Variants in BRME1 observed in about 807,000 individuals in gnomAD.
The protein encoded by BRME1 is break repair meiotic recombinase recruitment factor 1.
A neutral mutation model predicts 52.6 loss-of-function variants in BRME1; 31 were observed. The ratio of observed to expected loss-of-function variants is 0.59; its 90% CI spans 0.44 to 0.80. BRME1 has a LOEUF of 0.80. Ranked by LOEUF, BRME1 falls within the 30% of genes least tolerant of loss-of-function variation. The pLI is 0.00. For synonymous variants in BRME1, 359 were observed against 353.6 expected (o/e 1.02, Z -0.17); for missense variants, 804 against 860.3 (o/e 0.93, Z 0.82).
Position 13,892,855 on chromosome 19 carries a change from T to C in BRME1, c.324A>G (p.Lys108=), listed in dbSNP as rs1969604616. 1 of 1,614,154 alleles carries C rather than the reference T, an allele frequency of 6.2e-7. No individual in the cohort carries two copies. Among genetic ancestry groups the C allele is most frequent in the Non-Finnish European group, 8.5e-7 (1 of 1,179,978 alleles). Reference sequence around the variant, plus strand: ...CTTTTCTTGTCACTGTCTTCCTGGATTTTGCAAACTGGGGAACAAACCTCC... The same window carrying C: ...CTTTTCTTGTCACTGTCTTCCTGGACTTTGCAAACTGGGGAACAAACCTCC... The part of the protein sequence containing the change: ...SFGRFVPQFA[K]SRKTVTRKEE... Residue 108 remains lysine (K), a synonymous_variant, in exon 5 of 9, where the codon AAA becomes AAG. Coordinates refer to ENST00000586783, the MANE Select transcript of BRME1 (RefSeq NM_001345843.2).
Position 13,905,027 on chromosome 19 carries a change from G to T in BRME1, c.-21-114C>A, listed in dbSNP as rs866664934. ...TACCTCCACCTCAGCCCATTTGGCT[G>T]CCCCAGGGGTCAGATGGCTCCCACT... On this transcript the variant is annotated intron_variant, in intron 1 of 8. Transcript: ENST00000586783. 118 of 812,492 alleles carry T rather than the reference G, an allele frequency of 1.5e-4. No individual in the cohort carries two copies. The Middle Eastern group carries it at 3.8e-3, about 26-fold the overall frequency. 50.3% of individuals were successfully genotyped at this position (812,492 alleles called of 1,614,324 possible).
At chr19:13,898,548 TGCA>T (rs1970068807) in intron 2 of BRME1, among the ~76,000 whole-genome samples, 1 of 151,860 alleles carries the variant, frequency 6.6e-6, no homozygotes. Context: ...AGGTTGAAGC[TGCA>T]GCAAGCCGTG....
In BRME1 at chr19:13,892,776, A is replaced by G. The variant is rs374749064; in HGVS notation, c.393+10T>C. 1.5e-4 allele frequency: 238 copies of G among 1,605,294 alleles called. No individual in the cohort carries two copies. Among genetic ancestry groups the G allele is most frequent in the Non-Finnish European group, 1.9e-4 (228 of 1,172,128 alleles). The stretch of plus-strand genomic sequence containing the variant: ...CGCTGGGCTCAGCCTGGCTGATTTT[A>G]GAGCCTTACCAGGCTAAAGGCCCCA... On this transcript the variant is annotated intron_variant, in intron 5 of 8. Transcript: ENST00000586783.
intron 2 of BRME1, 52 bp from the exon 3 acceptor site, chr19:13,895,598 A>G (rs1311495973): frequency 2.7e-6 from 4 of 1,502,832 alleles, no homozygotes; most frequent in South Asian, 1.2e-5. Context: ...GCCACTGCTC[A>G]TGGCTGACAA....
intron 2 of BRME1, among the ~76,000 whole-genome samples, chr19:13,896,818 A>G (rs531389651): frequency 6.6e-6 from 1 of 151,814 alleles, no homozygotes; most frequent in East Asian, 1.9e-4. Context: ...AGGCCACTCA[A>G]GTAGCTGGGA....
rs903887542 is a variant in BRME1 at position 13,885,791 on chromosome 19, G to A, written c.1763+170C>T. Among the ~76,000 whole-genome samples, 10 of 152,314 alleles carry A rather than the reference G, an allele frequency of 6.6e-5. 1 individual carries two copies. The highest frequency in any genetic ancestry group is 2.4e-4 in the African/African-American group (10 of 41,578). ...TCACTGTCGCCCATTCTCTGCTTTC[G>A]GGGAGCAGGGGAATGTATACAGTTT... On this transcript the variant is annotated intron_variant, in intron 7 of 8. Coordinates refer to ENST00000586783, the MANE Select transcript of BRME1 (RefSeq NM_001345843.2).
chr19:13,890,652 G>T (rs576122016), intron 5 of BRME1, among the ~76,000 whole-genome samples, 190 bp from the exon 6 acceptor site: 2 of 152,266 alleles, frequency 1.3e-5, no homozygotes, highest in South Asian at 4.2e-4. Context: ...ATCACTTGAG[G>T]TCAGGAGTTC....
intron 2 of BRME1, among the ~76,000 whole-genome samples, chr19:13,898,505 G>A (rs984709677): frequency 6.6e-6 from 1 of 152,144 alleles, no homozygotes; most frequent in African/African-American, 2.4e-5. Flanking sequence ...AGCTACTCAG[G>A]AGGCTGAGGC....
rs374898954 is a variant in BRME1 at position 13,890,250 on chromosome 19, G to C, written c.606C>G (p.Ser202=). 6.2e-7 allele frequency: 1 copy of C among 1,613,906 alleles called. No individual in the cohort carries two copies. Among genetic ancestry groups the C allele is most frequent in the Admixed American group, 1.7e-5 (1 of 59,982 alleles). Residue 202 remains serine, a synonymous_variant, in exon 6 of 9, where the codon TCC becomes TCG. Coordinates refer to ENST00000586783, the MANE Select transcript of BRME1 (RefSeq NM_001345843.2). ...GGTCTTGGCTGGCCCTCTGTGAGGC[G>C]GACAACCCCGTCCCCCTGTCTGGAG... ...DDPPDRGTGL[S]ASQRASQDHL... is the part of the protein sequence containing the mutation.
At chr19:13,893,525 GT>G (rs1303393680) in intron 3 of BRME1, among the ~76,000 whole-genome samples, 1 of 137,514 alleles carries the variant, frequency 7.3e-6, no homozygotes, top group East Asian at 2.0e-4. Context: ...AGAGAACAAG[GT>G]TCTGTGTCAA....
rs531586050 is a variant in BRME1 at position 13,891,615 on chromosome 19, C to T, written c.394-1153G>A. 1.8e-3 allele frequency among the ~76,000 whole-genome samples: 273 copies of T among 151,838 alleles called. 1 individual carries two copies. Among genetic ancestry groups the T allele is most frequent in the African/African-American group, 6.3e-3 (262 of 41,460 alleles). On this transcript the variant is annotated intron_variant, in intron 5 of 8. Coordinates refer to ENST00000586783, the MANE Select transcript of BRME1 (RefSeq NM_001345843.2). ...TCCTAAGTAGCTGGGACTACAGGTA[C>T]ACACCACAACTGGCTAAATTTTGTG...
chr19:13,892,314 A>G (rs10420565), intron 5 of BRME1, among the ~76,000 whole-genome samples: 56,323 of 152,112 alleles, frequency 0.37, 14,895 homozygotes, highest in African/African-American at 0.75. Flanking sequence ...GGCCGTGCGC[A>G]GTGGCTCATG....
intron 2 of BRME1, among the ~76,000 whole-genome samples, chr19:13,899,053 G>A (rs796610911): frequency 1.3e-5 from 2 of 151,030 alleles, no homozygotes; most frequent in Admixed American, 6.6e-5. Context: ...TTTCCTCGAC[G>A]CCAATTGCTA....
chr19:13,901,314 A>G (rs747348731), intron 2 of BRME1, among the ~76,000 whole-genome samples: 6 of 152,062 alleles, frequency 3.9e-5, no homozygotes, highest in Non-Finnish European at 7.4e-5. Flanking sequence ...ATGAAATTGT[A>G]TAGGTATGTT....
chr19:13,895,542 C>CT lies in BRME1; in HGVS notation c.35dup (p.Leu14ThrfsTer31). ...TTAGGGGTTTTGGAGGACAGAGTCC[C>CT]TCTCCTGTTTTAGAGACAGAGGAAG... On this transcript the variant is annotated frameshift_variant, in exon 3 of 9. Transcript: ENST00000586783. LOFTEE classifies it high-confidence loss of function. 6.2e-7 allele frequency: 1 copy of CT among 1,612,334 alleles called. No individual in the cohort carries two copies. The highest frequency in any genetic ancestry group is 8.5e-7 in the Non-Finnish European group (1 of 1,179,170).
intron 2 of BRME1, among the ~76,000 whole-genome samples, chr19:13,900,320 C>A (rs2145220830): frequency 6.6e-6 from 1 of 152,300 alleles, no homozygotes; most frequent in African/African-American, 2.4e-5. Flanking sequence ...CCAGCACACA[C>A]AGAAAGGGTT....
rs1299770908 is a variant in BRME1, at chr19:13,886,075, T to C, written c.1669-20A>G. ...AAAGAGCTGGAAAGAGAGCACAAGG[T>C]GTGAGTGGTCGAGGCCTGGGTCGGG... On this transcript the variant is annotated intron_variant, in intron 6 of 8. Coordinates refer to ENST00000586783, the MANE Select transcript of BRME1 (RefSeq NM_001345843.2). 6.2e-7 allele frequency: 1 copy of C among 1,610,766 alleles called. No homozygotes were observed. The highest frequency in any genetic ancestry group is 2.2e-5 in the East Asian group (1 of 44,836).
chr19:13,886,416 G>T (rs771141029), intron 6 of BRME1, among the ~76,000 whole-genome samples: 2 of 152,236 alleles, frequency 1.3e-5, no homozygotes, highest in Non-Finnish European at 2.9e-5. Flanking sequence ...GCCCCTCACT[G>T]TCTTTACGGG....
intron 2 of BRME1, among the ~76,000 whole-genome samples, chr19:13,904,424 C>A (rs1440065018): frequency 6.6e-6 from 1 of 151,254 alleles, no homozygotes; most frequent in Non-Finnish European, 1.5e-5. Flanking sequence ...TTCTTACCAG[C>A]ATGAATTAAA....
Sources: gnomAD v4.1 joint callset for allele counts (sites outside exome capture counted in the v4.1 genomes callset) on GRCh38, gnomAD v4.1.1 for gene constraint, MANE v1.5 for transcripts, NCBI Gene and HGNC (gene_info 2026-07-23, HGNC 2026-07-21) for gene names.